CDH13: variants seen among roughly 807,000 people sequenced by gnomAD.
The protein encoded by CDH13 is cadherin 13, also known as cadherin-13.
Under a neutral mutation model 63.8 loss-of-function variants are expected in CDH13, and 24 were observed. The observed-to-expected ratio is 0.38, with a 90% CI of 0.27 to 0.53. The LOEUF is 0.53. CDH13 is among the 20% of genes least tolerant of loss of function. CDH13 has a pLI of 0.85. For synonymous variants in CDH13, 503 were observed against 355.3 expected, an observed-to-expected ratio of 1.42 and a Z score of -4.67; for missense variants, 1,049 against 903.1, an observed-to-expected ratio of 1.16 and a Z score of -2.07.
Position 83,591,285 on chromosome 16 carries a change from A to G in CDH13, c.961-11169A>G, listed in dbSNP as rs150031628. Among the ~76,000 whole-genome samples, 58 of 152,318 alleles carry G rather than the reference A, an allele frequency of 3.8e-4. No homozygotes were observed. The East Asian group carries it at 0.011, about 29-fold the overall frequency. On this transcript the variant is annotated intron_variant, in intron 7 of 13. Coordinates refer to ENST00000567109, the MANE Select transcript of CDH13 (RefSeq NM_001257.5). The stretch of plus-strand genomic sequence containing the variant: ...GCTATGTACCAGGCATAATGTTGCT[A>G]TGTCAGGGCCCAGGTCTAGAAAACA...
intron 3 of CDH13, among the ~76,000 whole-genome samples, chr16:83,046,502 T>G (rs1917796853): frequency 6.6e-6 from 1 of 152,152 alleles, no homozygotes; most frequent in African/African-American, 2.4e-5. Flanking sequence ...GTTTTGAGAA[T>G]TTTATACATC....
chr16:83,695,851 A>G (rs1336213435), intron 10 of CDH13, among the ~76,000 whole-genome samples: 1 of 152,104 alleles, frequency 6.6e-6, no homozygotes, highest in African/African-American at 2.4e-5. Context: ...TTCGTGAGTG[A>G]AAGAGACGGA....
At chr16:83,398,899 A>G (rs1347853642) in intron 6 of CDH13, among the ~76,000 whole-genome samples, 1 of 152,224 alleles carries the variant, frequency 6.6e-6, no homozygotes, top group African/African-American at 2.4e-5. Context: ...ACCCTTAATT[A>G]TTTGCAGAGA....
At chr16:83,066,585 C>T (rs1210522351) in intron 3 of CDH13, among the ~76,000 whole-genome samples, 1 of 152,146 alleles carries the variant, frequency 6.6e-6, no homozygotes, top group African/African-American at 2.4e-5. Flanking sequence ...GTGACAAGGA[C>T]CAGGAAACTC....
chr16:82,966,145 T>TTGTG (rs764826607), intron 2 of CDH13, among the ~76,000 whole-genome samples: 59 of 152,032 alleles, frequency 3.9e-4, no homozygotes, highest in Non-Finnish European at 6.2e-4. Flanking sequence ...TTTCCTATTT[T>TTGTG]TGTTTGTTTG....
chr16:83,145,975 C>G (rs1322057454), intron 4 of CDH13, among the ~76,000 whole-genome samples: 1 of 152,014 alleles, frequency 6.6e-6, no homozygotes, highest in African/African-American at 2.4e-5. Flanking sequence ...GGGTGGATTA[C>G]CTGAGGTCGG....
chr16:83,026,195 A>C (rs1162635594), intron 2 of CDH13, among the ~76,000 whole-genome samples: 1 of 152,210 alleles, frequency 6.6e-6, no homozygotes, highest in South Asian at 2.1e-4. Flanking sequence ...TGATGATCCC[A>C]AAGGGGTTTG....
At chr16:83,314,278 C>G (rs1361959719) in intron 5 of CDH13, among the ~76,000 whole-genome samples, 2 of 145,558 alleles carry the variant, frequency 1.4e-5, no homozygotes, top group Non-Finnish European at 3.1e-5. Context: ...TGATGATTCA[C>G]AAAAATGTGA....
chr16:82,970,537 C>T (rs560255178), intron 2 of CDH13, among the ~76,000 whole-genome samples: 1 of 143,520 alleles, frequency 7.0e-6, no homozygotes, highest in African/African-American at 2.5e-5. Flanking sequence ...GTAGCTGGGA[C>T]TACAGGCGCC....
chr16:83,554,001 T>A (rs1042892028), intron 7 of CDH13, among the ~76,000 whole-genome samples: 3 of 152,252 alleles, frequency 2.0e-5, no homozygotes, highest in Non-Finnish European at 2.9e-5. Flanking sequence ...TGTACAGATA[T>A]AATTGCCTGT....
chr16:83,268,469 A>G lies in CDH13; in HGVS notation c.636+50972A>G, dbSNP rs1307976048. Among the ~76,000 whole-genome samples the G allele has an allele frequency of 2.0e-5, 3 of 152,190 alleles. No homozygotes were observed. In the East Asian group the frequency reaches 5.8e-4, roughly 29 times the overall value. On this transcript the variant is annotated intron_variant, in intron 5 of 13. Transcript: ENST00000567109. The stretch of plus-strand genomic sequence containing the variant: ...TTCCAAACCAGCAGTCAGCATACAC[A>G]ATTGGATAGGTACTTCTTTCCAATC...
At chr16:83,336,033 G>C (rs565668778) in intron 5 of CDH13, among the ~76,000 whole-genome samples, 18 of 152,062 alleles carry the variant, frequency 1.2e-4, no homozygotes, top group African/African-American at 3.9e-4. Flanking sequence ...AGGCATGGTA[G>C]CTCACACCTG....
intron 8 of CDH13, among the ~76,000 whole-genome samples, chr16:83,647,284 G>C (rs1911919032): frequency 1.4e-5 from 2 of 146,718 alleles, no homozygotes; most frequent in African/African-American, 5.1e-5. Context: ...CTGCACTCCA[G>C]CCTGGGTGAC....
intron 3 of CDH13, among the ~76,000 whole-genome samples, chr16:83,053,049 G>A (rs1165180137): frequency 6.6e-6 from 1 of 152,092 alleles, no homozygotes; most frequent in Non-Finnish European, 1.5e-5. Context: ...TTCTGTTGGT[G>A]AAATGGGAAT....
chr16:83,715,299 G>A (rs1370700713), intron 10 of CDH13, among the ~76,000 whole-genome samples: 1 of 152,124 alleles, frequency 6.6e-6, no homozygotes, highest in Non-Finnish European at 1.5e-5. Flanking sequence ...ACTTGATCAG[G>A]GTTTGGATAA....
At chr16:82,944,507 C>T (rs759561595) in intron 2 of CDH13, among the ~76,000 whole-genome samples, 1 of 152,086 alleles carries the variant, frequency 6.6e-6, no homozygotes, top group Non-Finnish European at 1.5e-5. Context: ...GAACATTTGG[C>T]AATGTCTGGA....
At chr16:83,262,265 G>A (rs963664693) in intron 5 of CDH13, among the ~76,000 whole-genome samples, 1 of 152,136 alleles carries the variant, frequency 6.6e-6, no homozygotes, top group African/African-American at 2.4e-5. Flanking sequence ...ATGGGGTAAT[G>A]GGCCTCCATG....
chr16:82,634,659 C>A (rs146982873), intron 1 of CDH13, among the ~76,000 whole-genome samples: 23 of 152,298 alleles, frequency 1.5e-4, no homozygotes, highest in African/African-American at 5.1e-4. Context: ...GACTGTCTGG[C>A]CCCTGAAGCT....
At chr16:82,971,005 C>T (rs1447409878) in intron 2 of CDH13, among the ~76,000 whole-genome samples, 3 of 152,144 alleles carry the variant, frequency 2.0e-5, no homozygotes, top group Non-Finnish European at 4.4e-5. Flanking sequence ...CCATAGCAGA[C>T]ACTGTAGGTG....
Sources: allele counts gnomAD v4.1 joint callset (sites outside exome capture counted in the v4.1 genomes callset), GRCh38; gene constraint gnomAD v4.1.1; transcripts MANE v1.5; gene names NCBI Gene and HGNC (gene_info 2026-07-23, HGNC 2026-07-21).